The following EXD3 variants were observed in gnomAD, a reference collection of about 807,000 sequenced individuals.
EXD3 encodes the protein exonuclease 3'-5' domain containing 3.
Under a neutral mutation model 98.0 loss-of-function variants are expected in EXD3, and 92 were observed. The ratio of observed to expected loss-of-function variants is 0.94; its 90% CI spans 0.79 to 1.12. The LOEUF (loss-of-function observed/expected upper bound fraction) is 1.12, where lower values mean the gene tolerates loss of function less well. EXD3 is among the 50% of genes most tolerant of loss of function. The probability of loss-of-function intolerance (pLI) is 0.00; values close to 1 mark genes in which losing one functional copy is unlikely to be tolerated. For missense variants in EXD3, 1,222 were observed against 1,191.6 expected (o/e 1.03, Z -0.38); for synonymous variants, 569 against 526.0 (o/e 1.08, Z -1.12).
rs1400900792 is a variant in EXD3 at position 137,307,238 on chromosome 9, C to T, written c.2343G>A (p.Glu781=). Residue 781 remains glutamate (E), a synonymous_variant, in exon 22 of 22, where the codon GAG becomes GAA. Coordinates refer to ENST00000340951, the MANE Select transcript of EXD3 (RefSeq NM_017820.5). ...EPGPAPDAAP[E]GCTYDRPCRW... is the part of the protein sequence containing the mutation. Reference sequence around the variant, plus strand: ...GGCAGGGGCGGTCATAGGTGCAGCCCTCAGGGGCTGCGTCTGGGGCTGGGC... The same window carrying T: ...GGCAGGGGCGGTCATAGGTGCAGCCTTCAGGGGCTGCGTCTGGGGCTGGGC... 1.3e-6 allele frequency: 2 copies of T among 1,555,686 alleles called. No homozygotes were observed. Among genetic ancestry groups the T allele is most frequent in the Admixed American group, 3.8e-5 (2 of 52,532 alleles).
At chr9:137,365,908 T>G (rs748570190) in intron 7 of EXD3, 2 of 400,024 alleles carry the variant, frequency 5.0e-6, no homozygotes, top group African/African-American at 2.1e-5. Context: ...CACACATACA[T>G]GCACACACAT....
At chr9:137,355,577 A>AGGAGGAT (rs1554810697) in intron 8 of EXD3, among the ~76,000 whole-genome samples, 1 of 37,200 alleles carries the variant, frequency 2.7e-5, no homozygotes, top group Admixed American at 3.7e-4. Context: ...GGATGGAGGA[A>AGGAGGAT]GGAGGAAGGA....
At chr9:137,400,959 G>A (rs528481115) in intron 1 of EXD3, among the ~76,000 whole-genome samples, 1 of 152,202 alleles carries the variant, frequency 6.6e-6, no homozygotes, top group South Asian at 2.1e-4. Context: ...CCACCCCTGT[G>A]ACTCTGCATG....
At chr9:137,414,476 G>C (rs1387209091) in intron 1 of EXD3, among the ~76,000 whole-genome samples, 2 of 152,036 alleles carry the variant, frequency 1.3e-5, no homozygotes, top group Non-Finnish European at 2.9e-5. Context: ...CACATTCCTA[G>C]GACTGGAGCT....
chr9:137,344,325 C>A (rs573715505), intron 17 of EXD3, among the ~76,000 whole-genome samples: 31 of 152,254 alleles, frequency 2.0e-4, no homozygotes, highest in Non-Finnish European at 3.4e-4. Flanking sequence ...ACTTCCGGCA[C>A]CAAAATTGGT....
Position 137,327,999 on chromosome 9 carries a change from T to TA in EXD3, c.1999-3857dup, listed in dbSNP as rs202118728. The stretch of plus-strand genomic sequence containing the variant: ...AACTAATATACACCCATATGATGAG[T>TA]AAAACAACTAATATACTCCCATATG... On this transcript the variant is annotated intron_variant, in intron 17 of 21. Transcript: ENST00000340951. 1.8e-3 allele frequency among the ~76,000 whole-genome samples: 11 copies of TA among 6,278 alleles called. 1 individual carries two copies. Among genetic ancestry groups the TA allele is most frequent in the African/African-American group, 1.9e-3 (3 of 1,580 alleles). The allele number at this position is 6,278 out of a possible 152,430, so 4.1% of individuals were successfully genotyped here.
chr9:137,398,123 T>A (rs1837299545), intron 1 of EXD3, among the ~76,000 whole-genome samples: 1 of 152,232 alleles, frequency 6.6e-6, no homozygotes, highest in African/African-American at 2.4e-5. Context: ...GGATGGCAGA[T>A]GAGTCAGTGA....
chr9:137,411,752 G>A (rs1838014782), intron 1 of EXD3, among the ~76,000 whole-genome samples: 1 of 148,724 alleles, frequency 6.7e-6, no homozygotes, highest in African/African-American at 2.5e-5. Context: ...TGGGGGAGTG[G>A]GAGGGAGTCG....
Position 137,362,080 on chromosome 9 carries a change from CGGTTAGA to C in EXD3, c.656+4406_656+4412del, listed in dbSNP as rs1835020924. 4.6e-5 allele frequency among the ~76,000 whole-genome samples: 7 copies of C among 152,196 alleles called. No individual in the cohort carries two copies. In the South Asian group the frequency reaches 1.5e-3, roughly 32 times the overall value. On this transcript the variant is annotated intron_variant, in intron 7 of 21. Coordinates refer to ENST00000340951, the MANE Select transcript of EXD3 (RefSeq NM_017820.5). Reference sequence around the variant, plus strand: ...GCCCTATTTTAAGGAAAATGGTTTTCGGTTAGAGGTTAGAGGTAATACCAACTACACA... The same window carrying C: ...GCCCTATTTTAAGGAAAATGGTTTTCGGTTAGAGGTAATACCAACTACACA...
intron 7 of EXD3, among the ~76,000 whole-genome samples, chr9:137,362,137 C>T (rs757365401): frequency 2.3e-4 from 35 of 152,070 alleles, no homozygotes; most frequent in Non-Finnish European, 4.6e-4. Flanking sequence ...AATGGAAAGG[C>T]AAGGGAGTAA....
chr9:137,408,745 C>T (rs1218200185), intron 1 of EXD3, among the ~76,000 whole-genome samples: 1 of 152,034 alleles, frequency 6.6e-6, no homozygotes, highest in Non-Finnish European at 1.5e-5. Flanking sequence ...TTCCAAGATC[C>T]TCTTTAAAAA....
chr9:137,406,169 T>G (rs1172328882), intron 1 of EXD3, among the ~76,000 whole-genome samples: 1 of 149,648 alleles, frequency 6.7e-6, no homozygotes, highest in African/African-American at 2.5e-5. Flanking sequence ...TGACCCAAGA[T>G]TGGGCCACTG....
rs767374106 is a variant in EXD3, at chr9:137,323,793, G to C, written c.2116C>G (p.Gln706Glu). The C allele has an allele frequency of 5.6e-6, 9 of 1,612,350 alleles. No individual in the cohort carries two copies. The highest frequency in any genetic ancestry group is 7.6e-6 in the Non-Finnish European group (9 of 1,179,760). ...SVDCSLKAQQ[Q>E]AKAVLKHFNV... ...AAATGCTTGAGCACAGCCTTGGCCT[G>C]CTGCTGGGCCTTCAGGGAGCAGTCG... The change falls in exon 19 of 22, where the codon CAG (glutamine) becomes GAG (glutamate). Residue 706 changes from glutamine (Q) to glutamate (E), a missense_variant. Gln to Glu is a conservative substitution (Grantham distance 29, BLOSUM62 2). Coordinates refer to ENST00000340951, the MANE Select transcript of EXD3 (RefSeq NM_017820.5).
intron 2 of EXD3, among the ~76,000 whole-genome samples, chr9:137,390,785 C>T (rs1588409525): frequency 1.3e-5 from 2 of 152,226 alleles, no homozygotes; most frequent in East Asian, 3.9e-4. Context: ...CCCCCACTGC[C>T]AGCTGGGCCT....
At position 137,371,631 on chromosome 9, in the gene EXD3, G is replaced by A. The variant is rs1273562296; in HGVS notation, c.462+1274C>T. On this transcript the variant is annotated intron_variant, in intron 5 of 21. Transcript: ENST00000340951. This position sits in a 1 kb window ranked among gnomAD's most constrained non-coding sequence, Gnocchi z 8.0. ...GGGGAGTGGACCAGTGCCCCTGAGTGCCGGCCTCCTCATACATGATCAGTG... is the reference window on the plus strand; with the variant it reads ...GGGGAGTGGACCAGTGCCCCTGAGTACCGGCCTCCTCATACATGATCAGTG... Among the ~76,000 whole-genome samples, 1 of 151,852 alleles carries A rather than the reference G, an allele frequency of 6.6e-6. No homozygotes were observed. The highest frequency in any genetic ancestry group is 1.5e-5 in the Non-Finnish European group (1 of 67,896).
intron 7 of EXD3, among the ~76,000 whole-genome samples, chr9:137,358,547 G>T (rs531732227): frequency 3.0e-4 from 46 of 152,264 alleles, no homozygotes; most frequent in African/African-American, 1.1e-3. Context: ...GTCGCTGCCT[G>T]GACATCTGTC....
intron 10 of EXD3, chr9:137,353,714 A>C: frequency 2.0e-6 from 2 of 985,492 alleles, no homozygotes; most frequent in Non-Finnish European, 2.4e-6. Flanking sequence ...CCCTCCCCGC[A>C]AGGTCCTGGA....
chr9:137,320,522 G>A (rs570330670), intron 19 of EXD3, among the ~76,000 whole-genome samples: 4 of 152,318 alleles, frequency 2.6e-5, no homozygotes, highest in Non-Finnish European at 5.9e-5. Context: ...GGCAGCTTGG[G>A]GGTTGCAGGG....
At chr9:137,394,522 G>A (rs920883117) in intron 2 of EXD3, among the ~76,000 whole-genome samples, 6 of 142,890 alleles carry the variant, frequency 4.2e-5, no homozygotes, top group Admixed American at 6.9e-5. Context: ...CCCAGCCTCC[G>A]CTTCCCTAAC....
Sources: gnomAD v4.1 joint callset for allele counts (sites outside exome capture counted in the v4.1 genomes callset) on GRCh38, gnomAD v4.1.1 for gene constraint, Gnocchi (gnomAD v3.1) non-coding constraint, MANE v1.5 for transcripts, NCBI Gene and HGNC (gene_info 2026-07-23, HGNC 2026-07-21) for gene names.